The following MANEA variants were observed in gnomAD, a reference collection of about 807,000 sequenced individuals.
MANEA encodes mannosidase endo-alpha, also known as glycoprotein endo-alpha-1,2-mannosidase.
MANEA carries 25 observed loss-of-function variants against 36.8 expected under a neutral mutation model. The ratio of observed to expected loss-of-function variants is 0.68; its 90% CI spans 0.50 to 0.95. The LOEUF is 0.95. MANEA is among the 40% of genes least tolerant of loss of function. The pLI, the probability that MANEA is intolerant of heterozygous loss-of-function variation, is 0.00. For synonymous variants in MANEA, 198 were observed against 188.5 expected (o/e 1.05, Z -0.41); for missense variants, 565 against 558.8 (o/e 1.01, Z -0.11).
intron 1 of MANEA, among the ~76,000 whole-genome samples, chr6:95,578,626 C>T (rs1412417488): frequency 1.3e-5 from 2 of 151,892 alleles, no homozygotes; most frequent in Non-Finnish European, 1.5e-5. Context: ...TTTTCAGGCT[C>T]AATGCAGAAA....
intron 3 of MANEA, among the ~76,000 whole-genome samples, chr6:95,602,169 CATT>C (rs1769606810): frequency 6.6e-6 from 1 of 152,184 alleles, no homozygotes; most frequent in Non-Finnish European, 1.5e-5. Flanking sequence ...GCATGCAAAT[CATT>C]AGTCCATTTA....
chr6:95,583,413 A>T (rs79858813), intron 1 of MANEA, among the ~76,000 whole-genome samples: 21,612 of 152,070 alleles, frequency 0.14, 1,692 homozygotes, highest in Middle Eastern at 0.24. Flanking sequence ...ATACACATAT[A>T]TGTGCATGTA....
rs1405149144 is a variant in MANEA, at chr6:95,608,913, A to G, written c.*2508A>G. 1 of 151,888 alleles carries G rather than the reference A, an allele frequency of 6.6e-6. No homozygotes were observed. The highest frequency in any genetic ancestry group is 1.9e-4 in the East Asian group (1 of 5,198). 9.4% of individuals were successfully genotyped at this position (151,888 alleles called of 1,614,324 possible). ...TTACATGAAAAAAAAGAGTCTGTACATCTTCAGAGTTTCAGTCGGCAATTT... is the reference window on the plus strand; with the variant it reads ...TTACATGAAAAAAAAGAGTCTGTACGTCTTCAGAGTTTCAGTCGGCAATTT... On this transcript the variant is annotated 3_prime_UTR_variant, in exon 5 of 5. Coordinates refer to ENST00000358812, the MANE Select transcript of MANEA (RefSeq NM_024641.4).
chr6:95,600,221 A>G (rs991325944), intron 3 of MANEA, among the ~76,000 whole-genome samples: 13 of 152,172 alleles, frequency 8.5e-5, no homozygotes, highest in South Asian at 2.1e-4. Context: ...TAGGGATTTT[A>G]TATCTAATGA....
In MANEA at chr6:95,608,252, T is replaced by C. The variant is rs1191323409; in HGVS notation, c.*1847T>C. ...ACAAATGTCACACCTAATAATCTTT[T>C]ATAATATACCATATTTCATTAAAGT... On this transcript the variant is annotated 3_prime_UTR_variant, in exon 5 of 5. Transcript: ENST00000358812. 2 of 151,938 alleles carry C rather than the reference T, an allele frequency of 1.3e-5. No homozygotes were observed. The highest frequency in any genetic ancestry group is 1.3e-4 in the Admixed American group (2 of 15,246). The allele number at this position is 151,938 out of a possible 1,614,324, so 9.4% of individuals were successfully genotyped here. A position where few individuals can be genotyped will look rare whatever the true frequency, so the allele number is the denominator to read the frequency against.
intron 3 of MANEA, 96 bp downstream of exon 3, chr6:95,596,942 GA>G: frequency 9.2e-6 from 5 of 545,720 alleles, no homozygotes; most frequent in Non-Finnish European, 1.3e-5. Context: ...AATTAAAAAT[GA>G]TAATGACTTA....
intron 2 of MANEA, among the ~76,000 whole-genome samples, chr6:95,595,714 G>A (rs1215004733): frequency 6.6e-6 from 1 of 152,026 alleles, no homozygotes; most frequent in African/African-American, 2.4e-5. Context: ...TATACGTAAT[G>A]AGGCTTTGAA....
chr6:95,606,004 A>T lies in MANEA; in HGVS notation c.988A>T (p.Thr330Ser). 6.2e-7 allele frequency: 1 copy of T among 1,614,072 alleles called. No individual in the cohort carries two copies. Among genetic ancestry groups the T allele is most frequent in the Non-Finnish European group, 8.5e-7 (1 of 1,179,978 alleles). ...IYTYFATNGFTYGSSHQNWAS... is the reference protein window; with the variant it reads ...IYTYFATNGFSYGSSHQNWAS... ...CACATATTTTGCCACAAATGGCTTTACTTATGGCTCATCACATCAGAATTG... is the reference window on the plus strand; with the variant it reads ...CACATATTTTGCCACAAATGGCTTTTCTTATGGCTCATCACATCAGAATTG... The change falls in exon 5 of 5, where the codon ACT (threonine) becomes TCT (serine). Residue 330 changes from threonine (T) to serine (S), a missense_variant. Thr to Ser is a moderately conservative substitution (Grantham distance 58). Transcript: ENST00000358812.
At chr6:95,599,499 T>G (rs1240372415) in intron 3 of MANEA, among the ~76,000 whole-genome samples, 1 of 152,156 alleles carries the variant, frequency 6.6e-6, no homozygotes, top group East Asian at 1.9e-4. Flanking sequence ...TTGCTGAAGC[T>G]TTTTATTTGC....
At chr6:95,582,186 T>G (rs1012328403) in intron 1 of MANEA, among the ~76,000 whole-genome samples, 8 of 138,254 alleles carry the variant, frequency 5.8e-5, no homozygotes, top group African/African-American at 2.2e-4. Flanking sequence ...TTTTTTTTTT[T>G]TTTTTTTTTT....
intron 2 of MANEA, among the ~76,000 whole-genome samples, chr6:95,596,323 A>T (rs371834890): frequency 3.9e-5 from 6 of 152,162 alleles, no homozygotes; most frequent in African/African-American, 1.4e-4. Context: ...ACAAAGTGTC[A>T]ACCCTGATGT....
chr6:95,599,530 T>C (rs1769550066), intron 3 of MANEA, among the ~76,000 whole-genome samples: 1 of 152,236 alleles, frequency 6.6e-6, no homozygotes, highest in South Asian at 2.1e-4. Flanking sequence ...CTTGCAGTTA[T>C]ATTCTAATGG....
Position 95,608,732 on chromosome 6 carries a change from C to T in MANEA, c.*2327C>T, listed in dbSNP as rs1336912413. The T allele has an allele frequency of 6.6e-6, 1 of 151,784 alleles. No homozygotes were observed. The allele number at this position is 151,784 out of a possible 1,614,324, so 9.4% of individuals were successfully genotyped here. The stretch of plus-strand genomic sequence containing the variant: ...CAGTTACCCCTATAGATACCAAAAT[C>T]TGCAGATGCTCAAGTCCCTGATATA... On this transcript the variant is annotated 3_prime_UTR_variant, in exon 5 of 5. Coordinates refer to ENST00000358812, the MANE Select transcript of MANEA (RefSeq NM_024641.4).
intron 3 of MANEA, among the ~76,000 whole-genome samples, chr6:95,602,665 A>C (rs574654729): frequency 5.9e-5 from 9 of 152,262 alleles, no homozygotes; most frequent in Admixed American, 1.3e-4. Flanking sequence ...TTTAACATTG[A>C]TCTAATTGAT....
At chr6:95,595,224 C>T (rs1052204939) in intron 2 of MANEA, among the ~76,000 whole-genome samples, 15 of 151,960 alleles carry the variant, frequency 9.9e-5, no homozygotes, top group African/African-American at 3.6e-4. Context: ...TTTTTGTTGT[C>T]ATTCTTATTT....
In MANEA at chr6:95,608,765, A is replaced by C. The variant is rs1769764755; in HGVS notation, c.*2360A>C. ...GCTCAAGTCCCTGATATAAACTGGCATAGTAGTTGCATATAATCTATGCAC... is the reference window on the plus strand; with the variant it reads ...GCTCAAGTCCCTGATATAAACTGGCCTAGTAGTTGCATATAATCTATGCAC... On this transcript the variant is annotated 3_prime_UTR_variant, in exon 5 of 5. Transcript: ENST00000358812. The C allele has an allele frequency of 6.6e-6, 1 of 151,852 alleles. No individual in the cohort carries two copies. The highest frequency in any genetic ancestry group is 1.5e-5 in the Non-Finnish European group (1 of 67,800). The allele number at this position is 151,852 out of a possible 1,614,324, so 9.4% of individuals were successfully genotyped here.
chr6:95,606,249 T>G lies in MANEA; in HGVS notation c.1233T>G (p.Ile411Met), dbSNP rs200866674. The G allele has an allele frequency of 1.2e-6, 2 of 1,613,858 alleles. No individual in the cohort carries two copies. The highest frequency in any genetic ancestry group is 1.7e-6 in the Non-Finnish European group (2 of 1,179,960). The change falls in exon 5 of 5, where the codon ATT becomes ATG. Residue 411 changes from isoleucine to methionine, a missense_variant. Coordinates refer to ENST00000358812, the MANE Select transcript of MANEA (RefSeq NM_024641.4). ...ATGAGTGGCATGAAGGAACTCAGAT[T>G]GAAAAAGCTGTTCCCAAAAGAACCA... ...SFNEWHEGTQ[I>M]EKAVPKRTSN...
rs2127946454 is a variant in MANEA, at chr6:95,606,440, C to T, written c.*35C>T. ...TAAAGTTTAATAGTTATCAAAATCA[C>T]CTAATTTTTAAAAATAGCTTTCGTT... On this transcript the variant is annotated 3_prime_UTR_variant, in exon 5 of 5. Coordinates refer to ENST00000358812, the MANE Select transcript of MANEA (RefSeq NM_024641.4). 6.8e-7 allele frequency: 1 copy of T among 1,478,104 alleles called. No homozygotes were observed. Among genetic ancestry groups the T allele is most frequent in the Admixed American group, 2.2e-5 (1 of 45,696 alleles). The allele number at this position is 1,478,104 out of a possible 1,614,324, so 91.6% of individuals were successfully genotyped here. A position where few individuals can be genotyped will look rare whatever the true frequency, so the allele number is the denominator to read the frequency against.
intron 3 of MANEA, among the ~76,000 whole-genome samples, chr6:95,603,181 TTTG>T (rs1246670165): frequency 5.9e-5 from 9 of 152,074 alleles, no homozygotes; most frequent in Admixed American, 1.3e-4. Flanking sequence ...TAGCATGCTA[TTTG>T]TTGTTTGCAG....
Sources: gnomAD v4.1 joint callset for allele counts (sites outside exome capture counted in the v4.1 genomes callset) on GRCh38, gnomAD v4.1.1 for gene constraint, MANE v1.5 for transcripts, NCBI Gene and HGNC (gene_info 2026-07-23, HGNC 2026-07-21) for gene names.